SGK1: variants seen among roughly 807,000 people sequenced by gnomAD.
SGK1 encodes serine/threonine-protein kinase Sgk1.
Under a neutral mutation model 64.2 loss-of-function variants are expected in SGK1, and 26 were observed. That is an observed-to-expected ratio of 0.40 (90% CI 0.30 to 0.56). The LOEUF (loss-of-function observed/expected upper bound fraction) is 0.56. Among genes scored for constraint, SGK1 ranks in the 20% least tolerant of loss-of-function variants. SGK1 has a pLI of 0.38. For missense variants in SGK1, 519 were observed against 645.6 expected (o/e 0.80, Z 2.12); for synonymous variants, 265 against 239.7 (o/e 1.11, Z -0.98).
rs566399203 is a variant in SGK1, at chr6:134,175,333, C to A, written c.362-747G>T. On this transcript the variant is annotated intron_variant, in intron 3 of 13. Transcript: ENST00000367858. ...GCGCCGTCCTGCGGCCGGACTCCCA[C>A]CCTCCTCCCCAACCCGAGCCGGCGG... Among the ~76,000 whole-genome samples the A allele has an allele frequency of 1.7e-4, 26 of 152,268 alleles. No individual in the cohort carries two copies. In the South Asian group the frequency reaches 5.4e-3, roughly 32 times the overall value.
At chr6:134,235,535 A>G (rs1248816807) in intron 2 of SGK1, among the ~76,000 whole-genome samples, 2 of 28,754 alleles carry the variant, frequency 7.0e-5, no homozygotes, top group African/African-American at 1.7e-4. Flanking sequence ...TGGAAAAAAT[A>G]GATATTTTTA....
intron 1 of SGK1, among the ~76,000 whole-genome samples, chr6:134,282,024 T>C (rs370871595): frequency 6.6e-6 from 1 of 152,174 alleles, no homozygotes; most frequent in Non-Finnish European, 1.5e-5. Flanking sequence ...CTAAGCCTTA[T>C]AGGAAATGTA....
intron 1 of SGK1, among the ~76,000 whole-genome samples, chr6:134,307,903 T>C (rs1454348512): frequency 6.6e-6 from 1 of 152,214 alleles, no homozygotes; most frequent in Non-Finnish European, 1.5e-5. Flanking sequence ...TTGTTTTTAT[T>C]GATTCATCAA....
intron 2 of SGK1, among the ~76,000 whole-genome samples, chr6:134,223,654 A>G (rs1368335163): frequency 6.6e-6 from 1 of 152,210 alleles, no homozygotes; most frequent in African/African-American, 2.4e-5. Flanking sequence ...GGCCAATGGG[A>G]TTATAATTTG....
chr6:134,213,081 G>A (rs577965712), intron 2 of SGK1, among the ~76,000 whole-genome samples: 134 of 152,150 alleles, frequency 8.8e-4, no homozygotes, highest in African/African-American at 2.9e-3. Context: ...AAGCATCCGC[G>A]GCAAATTACC....
chr6:134,195,495 C>G (rs1775582432), intron 3 of SGK1, among the ~76,000 whole-genome samples: 1 of 152,180 alleles, frequency 6.6e-6, no homozygotes, highest in Admixed American at 6.6e-5. Context: ...TAGGATCTGA[C>G]AAACTTTTCA....
chr6:134,243,532 G>A (rs1776479472), intron 2 of SGK1, among the ~76,000 whole-genome samples: 1 of 152,030 alleles, frequency 6.6e-6, no homozygotes, highest in African/African-American at 2.4e-5. Flanking sequence ...AACATGCTCG[G>A]CTAAGTTTGT....
chr6:134,206,365 ATATATATATATATATATAT>A (rs1289856849), intron 3 of SGK1, among the ~76,000 whole-genome samples: 3 of 10,272 alleles, frequency 2.9e-4, no homozygotes, highest in African/African-American at 6.6e-4. Context: ...ATATATATAT[ATATATATATATATATATAT>A]TTTTTTTTTT....
chr6:134,295,106 C>T (rs1777326022), intron 1 of SGK1, among the ~76,000 whole-genome samples: 1 of 151,982 alleles, frequency 6.6e-6, no homozygotes, highest in South Asian at 2.1e-4. Flanking sequence ...GAATTTCCTC[C>T]ATTGACATTC....
In SGK1 at chr6:134,271,181, C is replaced by T. The variant is rs1434533699; in HGVS notation, c.70-9033G>A. On this transcript the variant is annotated intron_variant, in intron 1 of 13. Transcript: ENST00000367858. The stretch of plus-strand genomic sequence containing the variant: ...TAAAAATACAAAAATTAGTCGGGCG[C>T]GGGGGCACATGCCTGTAATTCCAGC... 3.7e-5 allele frequency among the ~76,000 whole-genome samples: 5 copies of T among 134,130 alleles called. 1 individual carries two copies. The highest frequency in any genetic ancestry group is 6.9e-5 in the Non-Finnish European group (4 of 58,194). 88.0% of individuals were successfully genotyped at this position (134,130 alleles called of 152,430 possible). A position where few individuals can be genotyped will look rare whatever the true frequency, so the allele number is the denominator to read the frequency against.
At chr6:134,197,181 C>T (rs1775606887) in intron 3 of SGK1, among the ~76,000 whole-genome samples, 1 of 152,012 alleles carries the variant, frequency 6.6e-6, no homozygotes, top group Non-Finnish European at 1.5e-5. Flanking sequence ...CACAGTAAGC[C>T]GTGATCGCAC....
intron 2 of SGK1, among the ~76,000 whole-genome samples, chr6:134,255,221 C>T (rs1776663645): frequency 6.6e-6 from 1 of 152,114 alleles, no homozygotes; most frequent in African/African-American, 2.4e-5. Flanking sequence ...ATGGATATGT[C>T]ATAATTAATA....
At chr6:134,269,252 T>G (rs1776904423) in intron 1 of SGK1, among the ~76,000 whole-genome samples, 1 of 146,152 alleles carries the variant, frequency 6.8e-6, no homozygotes, top group African/African-American at 2.5e-5. Context: ...AGCTTGAAGT[T>G]GCCTTCTGTA....
intron 1 of SGK1, among the ~76,000 whole-genome samples, chr6:134,275,920 T>C (rs1777011001): frequency 6.6e-6 from 1 of 152,214 alleles, no homozygotes; most frequent in South Asian, 2.1e-4. Context: ...TGGGTATTCA[T>C]TTGTTTAAGT....
intron 2 of SGK1, among the ~76,000 whole-genome samples, chr6:134,223,970 A>G (rs1167036157): frequency 2.6e-5 from 4 of 152,222 alleles, no homozygotes; most frequent in Admixed American, 2.0e-4. Flanking sequence ...CCAAGAGTCC[A>G]GAATGTTGAG....
At chr6:134,196,241 A>C (rs1775592512) in intron 3 of SGK1, among the ~76,000 whole-genome samples, 1 of 151,884 alleles carries the variant, frequency 6.6e-6, no homozygotes, top group Non-Finnish European at 1.5e-5. Flanking sequence ...TTTTTTTTAA[A>C]TTTAAAAAGA....
chr6:134,178,683 C>G (rs1775286124), intron 3 of SGK1, among the ~76,000 whole-genome samples: 1 of 152,224 alleles, frequency 6.6e-6, no homozygotes, highest in Admixed American at 6.5e-5. Context: ...AGAACTTGCT[C>G]CATATACGCG....
intron 2 of SGK1, among the ~76,000 whole-genome samples, chr6:134,235,971 C>T (rs889119243): frequency 3.3e-5 from 5 of 151,928 alleles, no homozygotes; most frequent in South Asian, 2.1e-4. Context: ...CCTTAGGAAA[C>T]GTGACTCCAA....
At chr6:134,171,550 GC>G in intron 11 of SGK1, 86 bp downstream of exon 11, 2 of 916,886 alleles carry the variant, frequency 2.2e-6, no homozygotes, top group Non-Finnish European at 3.6e-6. Flanking sequence ...ACTGGTAAGG[GC>G]AAGACACCAT....
Sources: gnomAD v4.1 joint callset for allele counts (sites outside exome capture counted in the v4.1 genomes callset) on GRCh38, gnomAD v4.1.1 for gene constraint, MANE v1.5 for transcripts, NCBI Gene and HGNC (gene_info 2026-07-23, HGNC 2026-07-21) for gene names.